Variants in FLNB observed in about 807,000 individuals in gnomAD.
FLNB encodes filamin B.
Under a neutral mutation model 250.6 loss-of-function variants are expected in FLNB, and 111 were observed. The ratio of observed to expected loss-of-function variants is 0.44; its 90% confidence interval spans 0.38 to 0.52. The LOEUF (loss-of-function observed/expected upper bound fraction) is 0.52, where lower values mean the gene tolerates loss of function less well. Ranked by LOEUF, FLNB falls within the 20% of genes least tolerant of loss-of-function variation. FLNB has a pLI of 0.00. For synonymous variants in FLNB, 1,302 were observed against 1,372.1 expected (o/e 0.95, Z 1.13); for missense variants, 2,869 against 3,447.8 (o/e 0.83, Z 4.20).
intron 4 of FLNB, among the ~76,000 whole-genome samples, chr3:58,087,108 T>TCAAA (rs35229385): frequency 1.4e-4 from 21 of 151,360 alleles, no homozygotes; most frequent in African/African-American, 3.7e-4. Context: ...AGACTCTGTC[T>TCAAA]CAAACAAACA....
chr3:58,092,209 G>A (rs1464118657), intron 4 of FLNB, among the ~76,000 whole-genome samples: 1 of 152,156 alleles, frequency 6.6e-6, no homozygotes, highest in Non-Finnish European at 1.5e-5. Flanking sequence ...TATCAGAACG[G>A]CTAAAATAAA....
intron 13 of FLNB, 148 bp downstream of exon 13, chr3:58,108,719 G>A (rs573022835): frequency 1.2e-4 from 82 of 663,132 alleles, no homozygotes; most frequent in Admixed American, 3.3e-4. Flanking sequence ...GTTATGTGAG[G>A]GTTCAGTGAG....
intron 1 of FLNB, among the ~76,000 whole-genome samples, chr3:58,022,980 G>A (rs941347146): frequency 6.6e-6 from 1 of 151,510 alleles, no homozygotes. Context: ...ACCACACCTG[G>A]CTATTTTGTA....
At position 58,153,366 on chromosome 3, in the gene FLNB, C is replaced by G. The variant is rs778380986; in HGVS notation, c.6368-9C>G. The G allele has an allele frequency of 1.9e-5, 30 of 1,613,958 alleles. No homozygotes were observed. The Admixed American group carries it at 3.7e-4, about 20-fold the overall frequency. ...CTCTTCTCTCCCCCAACCTCCCTCC[C>G]TCTTTCAGAAATCAACAGCAGTGAT... On this transcript the variant is annotated splice_polypyrimidine_tract_variant and intron_variant, in intron 38 of 45. Coordinates refer to ENST00000295956, the MANE Select transcript of FLNB (RefSeq NM_001457.4).
At chr3:58,117,101 A>G (rs2097279471) in intron 18 of FLNB, among the ~76,000 whole-genome samples, 1 of 152,160 alleles carries the variant, frequency 6.6e-6, no homozygotes, top group Non-Finnish European at 1.5e-5. Flanking sequence ...AGAAGCATGT[A>G]GAGGAGAGTG....
At position 58,008,463 on chromosome 3, in the gene FLNB, C is replaced by G; in HGVS notation, c.-102C>G. ...TGGCTCCGGTAGCAGCAAGTTCGAA[C>G]CCCGCTCCCGCTCCGCTTCGGTTCT... is the stretch of plus-strand genomic sequence containing the variant. On this transcript the variant is annotated 5_prime_UTR_variant, in exon 1 of 46. Coordinates refer to ENST00000295956, the MANE Select transcript of FLNB (RefSeq NM_001457.4). 7.1e-7 allele frequency: 1 copy of G among 1,407,510 alleles called. No homozygotes were observed. The highest frequency in any genetic ancestry group is 9.8e-7 in the Non-Finnish European group (1 of 1,020,832). The allele number at this position is 1,407,510 out of a possible 1,614,324, so 87.2% of individuals were successfully genotyped here. A position where few individuals can be genotyped will look rare whatever the true frequency, so the allele number is the denominator to read the frequency against.
Position 58,106,596 on chromosome 3 carries a change from A to G in FLNB, c.1748-84A>G, listed in dbSNP as rs111777431. ...TCTGGCCAACACTTGGCTTTTAGGG[A>G]GGCAGCGGGAATGAGCTGTCGTAAC... On this transcript the variant is annotated intron_variant, in intron 11 of 45. Transcript: ENST00000295956. 42 of 1,297,336 alleles carry G rather than the reference A, an allele frequency of 3.2e-5. 2 individuals carry two copies. In the African/African-American group the frequency reaches 3.5e-4, roughly 11 times the overall value. The allele number at this position is 1,297,336 out of a possible 1,614,324, so 80.4% of individuals were successfully genotyped here.
At position 58,148,290 on chromosome 3, in the gene FLNB, T is replaced by G. The variant is rs2097339062; in HGVS notation, c.5813T>G (p.Leu1938Arg). The G allele has an allele frequency of 6.2e-7, 1 of 1,614,050 alleles. No homozygotes were observed. Among genetic ancestry groups the G allele is most frequent in the African/African-American group, 1.3e-5 (1 of 74,932 alleles). ...ATCAGTGAGACTGACCTCAGCAGCC[T>G]GACGGCCAGCATTAAGGCCCCATCT... Reference protein sequence around the residue: ...LDISETDLSSLTASIKAPSGR... With the variant: ...LDISETDLSSRTASIKAPSGR... The change falls in exon 35 of 46, where the codon CTG becomes CGG. Residue 1938 changes from leucine to arginine, a missense_variant. Coordinates refer to ENST00000295956, the MANE Select transcript of FLNB (RefSeq NM_001457.4).
chr3:58,070,551 A>G (rs2097192706), intron 1 of FLNB, among the ~76,000 whole-genome samples: 1 of 152,124 alleles, frequency 6.6e-6, no homozygotes, highest in African/African-American at 2.4e-5. Flanking sequence ...ATGAGGGGGC[A>G]GAGTGCACAG....
chr3:58,063,085 G>T (rs761321042), intron 1 of FLNB, among the ~76,000 whole-genome samples: 1 of 152,134 alleles, frequency 6.6e-6, no homozygotes, highest in Non-Finnish European at 1.5e-5. Flanking sequence ...ACAGGGAATC[G>T]ACCCACTCAT....
intron 24 of FLNB, among the ~76,000 whole-genome samples, chr3:58,127,516 G>A (rs562322581): frequency 3.9e-5 from 6 of 152,070 alleles, no homozygotes; most frequent in South Asian, 4.2e-4. Flanking sequence ...TCTCAACTCC[G>A]GCACTATGAC....
intron 41 of FLNB, among the ~76,000 whole-genome samples, chr3:58,156,960 G>C (rs2097354297): frequency 6.6e-6 from 1 of 152,198 alleles, no homozygotes; most frequent in African/African-American, 2.4e-5. Flanking sequence ...ACCTCCCAAA[G>C]TGCTGGGATT....
intron 1 of FLNB, among the ~76,000 whole-genome samples, chr3:58,069,308 C>T (rs1009469815): frequency 7.4e-6 from 1 of 135,882 alleles, no homozygotes; most frequent in Non-Finnish European, 1.5e-5. Flanking sequence ...GGAGTGATTT[C>T]GGCTCACTGA....
At chr3:58,144,527 TC>T (rs2107257360) in intron 32 of FLNB, among the ~76,000 whole-genome samples, 1 of 152,380 alleles carries the variant, frequency 6.6e-6, no homozygotes, top group Non-Finnish European at 1.5e-5. Flanking sequence ...TTTTGGTTCT[TC>T]CTGCCCTCGC....
intron 1 of FLNB, among the ~76,000 whole-genome samples, chr3:58,060,580 T>C (rs552544767): frequency 6.6e-6 from 1 of 151,354 alleles, no homozygotes; most frequent in Non-Finnish European, 1.5e-5. Context: ...CTCGAACTCC[T>C]GATCACAGGT....
Position 58,106,806 on chromosome 3 carries a change from A to T in FLNB, c.1874A>T (p.Glu625Val). 6.2e-7 allele frequency: 1 copy of T among 1,614,138 alleles called. No individual in the cohort carries two copies. Among genetic ancestry groups the T allele is most frequent in the South Asian group, 1.1e-5 (1 of 91,078 alleles). ...EYAVHIMCDD[E>V]DIKDSPYMAF... is the part of the protein sequence containing the mutation. ...GCTGTTCACATCATGTGTGACGACG[A>T]AGACATCAAGGACAGCCCGTACATG... Residue 625 changes from glutamate (E) to valine (V), a missense_variant, in exon 12 of 46, where the codon GAA becomes GTA. Glu to Val is a moderately radical substitution (Grantham distance 121). Coordinates refer to ENST00000295956, the MANE Select transcript of FLNB (RefSeq NM_001457.4).
intron 4 of FLNB, 47 bp downstream of exon 4, chr3:58,081,823 G>A: frequency 6.2e-7 from 1 of 1,604,098 alleles, no homozygotes; most frequent in Non-Finnish European, 8.5e-7. Context: ...GTCCTCTGGT[G>A]TTGGAGATGA....
At chr3:58,051,683 G>T (rs200427920) in intron 1 of FLNB, among the ~76,000 whole-genome samples, 5 of 49,682 alleles carry the variant, frequency 1.0e-4, no homozygotes, top group African/African-American at 7.6e-4. Context: ...CAGTTTTTTT[G>T]GGTTTTTTTT....
chr3:58,125,242 C>T (rs1422073739), intron 22 of FLNB, among the ~76,000 whole-genome samples: 1 of 152,152 alleles, frequency 6.6e-6, no homozygotes, highest in African/African-American at 2.4e-5. Context: ...AAATGATCCT[C>T]CTGCCTCAGC....
Sources: allele counts gnomAD v4.1 joint callset (sites outside exome capture counted in the v4.1 genomes callset), GRCh38; gene constraint gnomAD v4.1.1; transcripts MANE v1.5; gene names NCBI Gene and HGNC (gene_info 2026-07-23, HGNC 2026-07-21).